Variants in MROH2A observed in about 807,000 individuals in gnomAD.
MROH2A encodes maestro heat-like repeat-containing protein family member 2A.
A neutral mutation model predicts 200.4 loss-of-function variants in MROH2A; 174 were observed. That is an observed-to-expected ratio of 0.87 (90% confidence interval 0.77 to 0.98). The LOEUF (loss-of-function observed/expected upper bound fraction) is 0.98. Ranked by LOEUF, MROH2A falls within the 50% of genes least tolerant of loss-of-function variation. MROH2A has a pLI of 0.00. For synonymous variants in MROH2A, 829 were observed against 840.4 expected (o/e 0.99, Z 0.23); for missense variants, 2,045 against 2,139.6 (o/e 0.96, Z 0.87).
In MROH2A at chr2:233,794,453, C is replaced by G. The variant is rs1238683857; in HGVS notation, c.913C>G (p.Pro305Ala). 6.5e-7 allele frequency: 1 copy of G among 1,550,330 alleles called. No homozygotes were observed. The highest frequency in any genetic ancestry group is 8.7e-7 in the Non-Finnish European group (1 of 1,146,860). Residue 305 changes from proline to alanine, a missense_variant, in exon 8 of 42, where the codon CCC becomes GCC. Pro to Ala is a conservative substitution (Grantham distance 27). Around this residue, in one of 3 missense-constraint regions of MROH2A, gnomAD observed 831 missense variants for 800.0 expected, o/e 1.04. Transcript: ENST00000389758. ...DLREQVYDYIPLLLAEYQGSL... is the reference protein window; with the variant it reads ...DLREQVYDYIALLLAEYQGSL... ...GCGGGAGCAGGTCTACGACTACATC[C>G]CCCTGCTGCTGGCGGAGTACCAGGG... is the stretch of plus-strand genomic sequence containing the variant.
Position 233,819,446 on chromosome 2 carries a change from C to T in MROH2A, c.3334C>T (p.Arg1112Trp), listed in dbSNP as rs1459171874. The change falls in exon 30 of 42, where the codon CGG (arginine) becomes TGG (tryptophan). Residue 1112 changes from arginine (R) to tryptophan (W), a missense_variant. By Grantham distance (101) the Arg-to-Trp change is moderately radical. Transcript: ENST00000389758. ...VTWIAFFLQM[R>W]AKELEDKVAE... ...CTGGATAGCCTTCTTCCTCCAGATG[C>T]GGGCCAAGGAGCTGGAGGACAAGGT... 5 of 1,550,366 alleles carry T rather than the reference C, an allele frequency of 3.2e-6. No individual in the cohort carries two copies. The highest frequency in any genetic ancestry group is 4.4e-6 in the Non-Finnish European group (5 of 1,146,922).
chr2:233,823,655 A>G lies in MROH2A; in HGVS notation c.4104A>G (p.Thr1368=), dbSNP rs1166885089. The change falls in exon 35 of 42, where the codon ACA becomes ACG. Residue 1368 remains threonine, a synonymous_variant. Coordinates refer to ENST00000389758, the MANE Select transcript of MROH2A (RefSeq NM_001394639.1). ...TCCTGAGCTGCCGCATCAGCAGCACAGCGGTCTGCGTGGAAATGAGGCACC... is the reference window on the plus strand; with the variant it reads ...TCCTGAGCTGCCGCATCAGCAGCACGGCGGTCTGCGTGGAAATGAGGCACC... ...SEVLSCRISS[T]AVCFMSGPVL... is the part of the protein sequence containing the mutation. 6.4e-7 allele frequency: 1 copy of G among 1,550,408 alleles called. No individual in the cohort carries two copies. Among genetic ancestry groups the G allele is most frequent in the African/African-American group, 1.4e-5 (1 of 73,178 alleles).
chr2:233,776,360 T>C (rs1464878273), upstream of MROH2A, among the ~76,000 whole-genome samples: 2 of 148,356 alleles, frequency 1.3e-5, no homozygotes, highest in Non-Finnish European at 3.0e-5. Flanking sequence ...TTTACTTTTT[T>C]TTTTTTTTTT....
rs142520033 is a variant in MROH2A, at chr2:233,824,285, T to C, written c.4113+621T>C. Among the ~76,000 whole-genome samples the C allele has an allele frequency of 4.1e-3, 620 of 152,264 alleles. 11 individuals carry two copies. Among genetic ancestry groups the C allele is most frequent in the Admixed American group, 0.03 (466 of 15,284 alleles). On this transcript the variant is annotated intron_variant, in intron 35 of 41. Transcript: ENST00000389758. ...AACTTCATGGAATTTTCATGTGCCATAGAATTTTCTTTTCTATATTTCTTT... is the reference window on the plus strand; with the variant it reads ...AACTTCATGGAATTTTCATGTGCCACAGAATTTTCTTTTCTATATTTCTTT...
chr2:233,802,301 G>T lies in MROH2A; in HGVS notation c.1694G>T (p.Gly565Val), dbSNP rs1702523253. 2 of 1,549,630 alleles carry T rather than the reference G, an allele frequency of 1.3e-6. No individual in the cohort carries two copies. Among genetic ancestry groups the T allele is most frequent in the Admixed American group, 2.0e-5 (1 of 50,960 alleles). The change falls in exon 15 of 42, where the codon GGC becomes GTC. Residue 565 changes from glycine (G) to valine (V), a missense_variant. Gly to Val is a moderately radical substitution (Grantham distance 109). Transcript: ENST00000389758. ...HGQDVDVSVA[G>V]KSRQVDLPAP... Reference sequence around the variant, plus strand: ...CAGGATGTGGATGTCAGCGTGGCTGGCAAGAGCAGGCAAGGTGGGCAAAGT... The same window carrying T: ...CAGGATGTGGATGTCAGCGTGGCTGTCAAGAGCAGGCAAGGTGGGCAAAGT...
chr2:233,801,013 G>T (rs1702438995), intron 14 of MROH2A, among the ~76,000 whole-genome samples: 1 of 152,146 alleles, frequency 6.6e-6, no homozygotes, highest in South Asian at 2.1e-4. Flanking sequence ...CATATAGCAG[G>T]TATACTGTAC....
In MROH2A at chr2:233,793,728, C is replaced by T. The variant is rs559770121; in HGVS notation, c.726C>T (p.Ser242=). Residue 242 remains serine, a synonymous_variant, in exon 7 of 42, where the codon AGC becomes AGT. Transcript: ENST00000389758. ...VQFYLKHLEE[S]VYPVMTEEEF... is the part of the protein sequence containing the mutation. Reference sequence around the variant, plus strand: ...TTTATCTGAAGCACCTGGAGGAGAGCGTGTACCCCGTGATGACTGAGGAGG... The same window carrying T: ...TTTATCTGAAGCACCTGGAGGAGAGTGTGTACCCCGTGATGACTGAGGAGG... 6.7e-6 allele frequency: 10 copies of T among 1,491,072 alleles called. No individual in the cohort carries two copies. In the South Asian group the frequency reaches 9.4e-5, roughly 14 times the overall value. 92.4% of individuals were successfully genotyped at this position (1,491,072 alleles called of 1,614,324 possible).
chr2:233,784,310 G>A (rs1575893889), intron 3 of MROH2A, among the ~76,000 whole-genome samples: 2 of 152,066 alleles, frequency 1.3e-5, no homozygotes, highest in South Asian at 4.2e-4. Flanking sequence ...TGGTCATCCA[G>A]CAATATATTA....
chr2:233,799,314 G>C (rs531611214), intron 12 of MROH2A, among the ~76,000 whole-genome samples: 1 of 152,184 alleles, frequency 6.6e-6, no homozygotes, highest in Non-Finnish European at 1.5e-5. Context: ...TGAGGGGTCT[G>C]CACAGCAGTT....
chr2:233,801,856 G>C (rs1012866898), intron 14 of MROH2A, among the ~76,000 whole-genome samples: 1 of 152,214 alleles, frequency 6.6e-6, no homozygotes, highest in Non-Finnish European at 1.5e-5. Context: ...GGGATCAGAG[G>C]GAGGGCCCTG....
chr2:233,817,704 G>A (rs1056798894), intron 27 of MROH2A, among the ~76,000 whole-genome samples: 4 of 152,212 alleles, frequency 2.6e-5, no homozygotes, highest in Admixed American at 6.5e-5. Context: ...TTGATCCCCA[G>A]GGTTCGTTAC....
chr2:233,808,715 A>G (rs1238026203), intron 21 of MROH2A, among the ~76,000 whole-genome samples: 1 of 152,182 alleles, frequency 6.6e-6, no homozygotes, highest in African/African-American at 2.4e-5. Flanking sequence ...CGTGAGGGCA[A>G]AGTGGAGGCT....
chr2:233,832,537 C>G, intron 40 of MROH2A, 42 bp from the exon 41 acceptor site: 2 of 1,395,344 alleles, frequency 1.4e-6, no homozygotes, highest in East Asian at 5.0e-5. Context: ...GCCTGCTGAC[C>G]TAATACTCGC....
At chr2:233,791,136 G>T (rs1461943290) in intron 5 of MROH2A, among the ~76,000 whole-genome samples, 1 of 152,184 alleles carries the variant, frequency 6.6e-6, no homozygotes, top group Non-Finnish European at 1.5e-5. Context: ...AGATGAGGGG[G>T]AGCGTCAGGC....
At chr2:233,779,873 G>A (rs1410363940) in intron 3 of MROH2A, 21 bp downstream of exon 3, 4 of 1,543,592 alleles carry the variant, frequency 2.6e-6, no homozygotes, top group Non-Finnish European at 3.5e-6. Flanking sequence ...CTTACCCACT[G>A]GGCTCAGCCA....
chr2:233,792,365 T>C (rs1354008639), intron 5 of MROH2A, among the ~76,000 whole-genome samples: 2 of 150,020 alleles, frequency 1.3e-5, no homozygotes, highest in African/African-American at 2.5e-5. Flanking sequence ...CAGGCTGGAG[T>C]GCAGTGGCGC....
At chr2:233,795,074 G>A (rs1702018079) in intron 8 of MROH2A, among the ~76,000 whole-genome samples, 2 of 152,076 alleles carry the variant, frequency 1.3e-5, no homozygotes, top group Non-Finnish European at 2.9e-5. Context: ...ATCTCACTTC[G>A]AAATCCTGAA....
At position 233,794,446 on chromosome 2, in the gene MROH2A, C is replaced by G. The variant is rs1468591306; in HGVS notation, c.906C>G (p.Asp302Glu). 12 of 1,550,510 alleles carry G rather than the reference C, an allele frequency of 7.7e-6. No individual in the cohort carries two copies. Among genetic ancestry groups the G allele is most frequent in the Non-Finnish European group, 1.0e-5 (12 of 1,146,912 alleles). Residue 302 changes from aspartate (D) to glutamate (E), a missense_variant, in exon 8 of 42, where the codon GAC becomes GAG. Around this residue, in one of 3 missense-constraint regions of MROH2A, gnomAD observed 831 missense variants for 800.0 expected, o/e 1.04. Transcript: ENST00000389758. Reference protein sequence around the residue: ...PNDDLREQVYDYIPLLLAEYQ... With the variant: ...PNDDLREQVYEYIPLLLAEYQ... Reference sequence around the variant, plus strand: ...ATGACCTGCGGGAGCAGGTCTACGACTACATCCCCCTGCTGCTGGCGGAGT... The same window carrying G: ...ATGACCTGCGGGAGCAGGTCTACGAGTACATCCCCCTGCTGCTGGCGGAGT...
At position 233,794,449 on chromosome 2, in the gene MROH2A, C is replaced by T; in HGVS notation, c.909C>T (p.Tyr303=). The change falls in exon 8 of 42, where the codon TAC becomes TAT. Residue 303 remains tyrosine (Y), a synonymous_variant. Transcript: ENST00000389758. ...ACCTGCGGGAGCAGGTCTACGACTA[C>T]ATCCCCCTGCTGCTGGCGGAGTACC... is the stretch of plus-strand genomic sequence containing the variant. ...NDDLREQVYD[Y]IPLLLAEYQG... 6.4e-7 allele frequency: 1 copy of T among 1,550,512 alleles called. No individual in the cohort carries two copies. Among genetic ancestry groups the T allele is most frequent in the Non-Finnish European group, 8.7e-7 (1 of 1,146,906 alleles).
Sources: gnomAD v4.1 joint callset for allele counts (sites outside exome capture counted in the v4.1 genomes callset) on GRCh38, gnomAD v4.1.1 for gene constraint, gnomAD v4.1.1 regional missense constraint, MANE v1.5 for transcripts, NCBI Gene and HGNC (gene_info 2026-07-23, HGNC 2026-07-21) for gene names.